LINC00305: variants seen among roughly 807,000 people sequenced by gnomAD.
LINC00305 encodes long intergenic non-protein coding RNA 305.
chr18:64,125,641 G>T (rs2051381705), intron 1 of LINC00305, among the ~76,000 whole-genome samples: 1 of 147,262 alleles, frequency 6.8e-6, no homozygotes, highest in Non-Finnish European at 1.5e-5. Context: ...CTATCTTTCT[G>T]TCTCTTAAAT....
rs1168676398 is a variant in LINC00305 at position 64,130,052 on chromosome 18, A to G, written n.314+18723T>C. On this transcript the variant is annotated intron_variant and non_coding_transcript_variant, in intron 1 of 3. Coordinates refer to ENST00000666468, the Ensembl canonical transcript of LINC00305. ...ACGTGCAGGTTTGTTACATATGTATACATGTGCCATGTTGGTGTGCTGCAC... is the reference window on the plus strand; with the variant it reads ...ACGTGCAGGTTTGTTACATATGTATGCATGTGCCATGTTGGTGTGCTGCAC... Among the ~76,000 whole-genome samples the G allele has an allele frequency of 2.6e-5, 4 of 151,786 alleles. No individual in the cohort carries two copies. The South Asian group carries it at 8.3e-4, about 32-fold the overall frequency.
At chr18:64,120,378 C>T (rs1031749340) in intron 1 of LINC00305, among the ~76,000 whole-genome samples, 1 of 152,078 alleles carries the variant, frequency 6.6e-6, no homozygotes, top group South Asian at 2.1e-4. Context: ...ACTGCTAAAG[C>T]TGGTTCAGAT....
intron 1 of LINC00305, among the ~76,000 whole-genome samples, chr18:64,114,194 A>G (rs1419664093): frequency 6.6e-6 from 1 of 152,128 alleles, no homozygotes; most frequent in Non-Finnish European, 1.5e-5. Context: ...GGCGTGAACC[A>G]GAGAGGCGGA....
chr18:64,093,615 T>C (rs1426784599), intron 3 of LINC00305, among the ~76,000 whole-genome samples: 1 of 152,236 alleles, frequency 6.6e-6, no homozygotes, highest in Non-Finnish European at 1.5e-5. Context: ...ATCACAGGCA[T>C]GAGCCACTGT....
intron 3 of LINC00305, among the ~76,000 whole-genome samples, chr18:64,080,970 T>C (rs1182683935): frequency 2.6e-5 from 4 of 152,234 alleles, no homozygotes; most frequent in Admixed American, 1.3e-4. Flanking sequence ...ATTTTTTTAT[T>C]GTACAGATAA....
intron 3 of LINC00305, among the ~76,000 whole-genome samples, chr18:64,089,315 C>G (rs916285466): frequency 6.6e-6 from 1 of 152,196 alleles, no homozygotes; most frequent in Admixed American, 6.5e-5. Context: ...AAGGTGCTTG[C>G]TTCTACTTTG....
At chr18:64,142,829 T>G (rs547011358) in intron 1 of LINC00305, among the ~76,000 whole-genome samples, 1 of 152,146 alleles carries the variant, frequency 6.6e-6, no homozygotes, top group East Asian at 1.9e-4. Context: ...ACTAGGAGAA[T>G]GAATAAGTAA....
At chr18:64,088,016 G>A (rs1033702523) in intron 3 of LINC00305, among the ~76,000 whole-genome samples, 1 of 152,134 alleles carries the variant, frequency 6.6e-6, no homozygotes, top group Admixed American at 6.5e-5. Flanking sequence ...CCAGCTACCT[G>A]GGAGGCTGAG....
intron 1 of LINC00305, chr18:64,104,273 T>G (rs912006088): frequency 6.6e-6 from 1 of 152,168 alleles, no homozygotes; most frequent in African/African-American, 2.4e-5. Flanking sequence ...TCATCCTCCT[T>G]GGATAATAAG....
At chr18:64,096,360 AT>A (rs748264755) in intron 3 of LINC00305, among the ~76,000 whole-genome samples, 5 of 151,976 alleles carry the variant, frequency 3.3e-5, no homozygotes, top group Admixed American at 6.6e-5. Context: ...AAAATTATCA[AT>A]GTCCGAAACA....
chr18:64,110,460 T>C (rs1175036683), intron 1 of LINC00305, among the ~76,000 whole-genome samples: 1 of 152,210 alleles, frequency 6.6e-6, no homozygotes, highest in Non-Finnish European at 1.5e-5. Context: ...ACTAGCTTAC[T>C]GGGTTCTACT....
In LINC00305 at chr18:64,096,033, A is replaced by T. The variant is rs571872151; in HGVS notation, n.540+1801T>A. Among the ~76,000 whole-genome samples, 9 of 148,164 alleles carry T rather than the reference A, an allele frequency of 6.1e-5. No individual in the cohort carries two copies. In the East Asian group the frequency reaches 9.7e-4, roughly 16 times the overall value. Reference sequence around the variant, plus strand: ...CACAGAGTTCTGTAATGGTCCTGATAAAAAAAAATATTAAAAAATGAATAA... The same window carrying T: ...CACAGAGTTCTGTAATGGTCCTGATTAAAAAAAATATTAAAAAATGAATAA... On this transcript the variant is annotated intron_variant and non_coding_transcript_variant, in intron 3 of 3. Coordinates refer to ENST00000666468, the Ensembl canonical transcript of LINC00305.
At chr18:64,144,180 T>C (rs1252657786) in intron 1 of LINC00305, among the ~76,000 whole-genome samples, 6 of 152,194 alleles carry the variant, frequency 3.9e-5, no homozygotes, top group Admixed American at 3.9e-4. Context: ...ATAAAGAGAT[T>C]CTTGCAAAGG....
chr18:64,135,165 T>G (rs554661621), intron 1 of LINC00305, among the ~76,000 whole-genome samples: 1 of 152,328 alleles, frequency 6.6e-6, no homozygotes, highest in South Asian at 2.1e-4. Flanking sequence ...TGTGTGTCTG[T>G]GTCTTTGTCC....
At position 64,122,843 on chromosome 18, in the gene LINC00305, GTTTGT is replaced by G. The variant is rs528596777; in HGVS notation, n.315-24208_315-24204del. On this transcript the variant is annotated intron_variant and non_coding_transcript_variant, in intron 1 of 3. Coordinates refer to ENST00000666468, the Ensembl canonical transcript of LINC00305. ...ATGAGCAGGAGATGTTTTTCCATTT[GTTTGT>G]TTTATCTATGATTTCTTTCATCAGC... is the stretch of plus-strand genomic sequence containing the variant. Among the ~76,000 whole-genome samples the G allele has an allele frequency of 3.5e-3, 535 of 151,952 alleles. 5 individuals carry two copies. The highest frequency in any genetic ancestry group is 9.0e-3 in the African/African-American group (373 of 41,482).
chr18:64,142,976 A>G (rs555256116), intron 1 of LINC00305, among the ~76,000 whole-genome samples: 2 of 152,318 alleles, frequency 1.3e-5, no homozygotes, highest in South Asian at 2.1e-4. Context: ...ACTACAATTC[A>G]TTATCATTAA....
chr18:64,122,539 T>A (rs2051366639), intron 1 of LINC00305, among the ~76,000 whole-genome samples: 1 of 152,140 alleles, frequency 6.6e-6, no homozygotes, highest in African/African-American at 2.4e-5. Context: ...GTTCCACCAA[T>A]CTATGTGTCT....
At chr18:64,133,472 A>T (rs528603863) in intron 1 of LINC00305, among the ~76,000 whole-genome samples, 1 of 152,220 alleles carries the variant, frequency 6.6e-6, no homozygotes, top group Admixed American at 6.5e-5. Context: ...GATGTTTTTA[A>T]AATGTAAGTC....
intron 1 of LINC00305, among the ~76,000 whole-genome samples, chr18:64,124,502 A>G (rs2144262131): frequency 6.6e-6 from 1 of 152,252 alleles, no homozygotes. Flanking sequence ...ACTCAGTAAA[A>G]GCTTGTTGCC....
Sources: gnomAD v4.1 joint callset for allele counts (sites outside exome capture counted in the v4.1 genomes callset) on GRCh38, gnomAD v4.1.1 for gene constraint, MANE v1.5 for transcripts, NCBI Gene and HGNC (gene_info 2026-07-23, HGNC 2026-07-21) for gene names.